Variants in TERB2 observed in about 807,000 individuals in gnomAD.
TERB2 encodes the protein telomere repeats-binding bouquet formation protein 2.
In TERB2, 26 loss-of-function variants were observed where a neutral mutation model predicts 29.8. That is an observed-to-expected ratio of 0.87 (90% confidence interval 0.64 to 1.21). The LOEUF (loss-of-function observed/expected upper bound fraction) is 1.21, where lower values mean the gene tolerates loss of function less well. Ranked by LOEUF, TERB2 falls within the 50% of genes most tolerant of loss-of-function variation. The pLI is 0.00. For synonymous variants in TERB2, 80 were observed against 90.8 expected, an observed-to-expected ratio of 0.88 and a Z score of 0.68; for missense variants, 240 against 268.6, an observed-to-expected ratio of 0.89 and a Z score of 0.74.
intron 4 of TERB2, among the ~76,000 whole-genome samples, chr15:44,965,279 T>C (rs1891868123): frequency 1.3e-5 from 2 of 148,780 alleles, no homozygotes; most frequent in Non-Finnish European, 3.0e-5. Context: ...CACAGAATAT[T>C]TGGAAAAAGC....
chr15:44,961,054 T>C (rs1278448967), intron 3 of TERB2, among the ~76,000 whole-genome samples: 10 of 151,392 alleles, frequency 6.6e-5, no homozygotes, highest in Admixed American at 6.6e-4. Context: ...TATCTATAAA[T>C]GCAGAGGTAT....
Position 44,973,983 on chromosome 15 carries a change from C to A in TERB2, c.523+28C>A, listed in dbSNP as rs541362165. 17 of 1,486,604 alleles carry A rather than the reference C, an allele frequency of 1.1e-5. No individual in the cohort carries two copies. The African/African-American group carries it at 2.3e-4, about 20-fold the overall frequency. 92.1% of individuals were successfully genotyped at this position (1,486,604 alleles called of 1,614,324 possible). On this transcript the variant is annotated intron_variant, in intron 6 of 6. Coordinates refer to ENST00000340827, the MANE Select transcript of TERB2 (RefSeq NM_152448.3). ...AGTTTAAAATAAAATTTAGAGTAAA[C>A]TCAGGTAGGAAAGAAACAAGGGAAT...
chr15:44,968,653 GGC>G (rs1168121918), intron 5 of TERB2, among the ~76,000 whole-genome samples: 6 of 135,850 alleles, frequency 4.4e-5, no homozygotes, highest in Non-Finnish European at 9.1e-5. Context: ...GGAGTGCAGT[GGC>G]ACGATTTCAG....
rs181282019 is a variant in TERB2, at chr15:44,961,716, T to C, written c.348+132T>C. On this transcript the variant is annotated intron_variant, in intron 4 of 6. Coordinates refer to ENST00000340827, the MANE Select transcript of TERB2 (RefSeq NM_152448.3). The stretch of plus-strand genomic sequence containing the variant: ...AGATTAAGAGATTGATTTATTTATT[T>C]TGAGACGGAGTCTCACTCTGTCTCC... 1,002 of 588,988 alleles carry C rather than the reference T, an allele frequency of 1.7e-3. 3 individuals carry two copies. Among genetic ancestry groups the C allele is most frequent in the Non-Finnish European group, 2.6e-3 (918 of 350,408 alleles). 36.5% of individuals were successfully genotyped at this position (588,988 alleles called of 1,614,324 possible). A position where few individuals can be genotyped will look rare whatever the true frequency, so the allele number is the denominator to read the frequency against.
At chr15:44,977,012 T>C (rs932717262) in intron 6 of TERB2, among the ~76,000 whole-genome samples, 6 of 151,416 alleles carry the variant, frequency 4.0e-5, no homozygotes, top group Non-Finnish European at 8.8e-5. Context: ...GGCTAATACA[T>C]AGAGAAAAAC....
At chr15:44,966,935 T>TA (rs1210791315) in intron 5 of TERB2, among the ~76,000 whole-genome samples, 42 of 152,070 alleles carry the variant, frequency 2.8e-4, no homozygotes, top group Admixed American at 2.8e-3. Flanking sequence ...CCCACCTCTA[T>TA]AAAAAATTTA....
At chr15:44,974,382 T>G (rs1892013323) in intron 6 of TERB2, among the ~76,000 whole-genome samples, 1 of 152,160 alleles carries the variant, frequency 6.6e-6, no homozygotes, top group Non-Finnish European at 1.5e-5. Flanking sequence ...GCCATTCCAT[T>G]CAATATCAAA....
At chr15:44,962,741 TTAAG>T (rs1184317893) in intron 4 of TERB2, 2 of 152,312 alleles carry the variant, frequency 1.3e-5, no homozygotes, top group Non-Finnish European at 2.9e-5. Flanking sequence ...TTCAAAATCT[TTAAG>T]TAATAGCCAA....
chr15:44,958,686 A>G (rs1783968702), intron 3 of TERB2, among the ~76,000 whole-genome samples, 174 bp downstream of exon 3: 1 of 152,242 alleles, frequency 6.6e-6, no homozygotes, highest in South Asian at 2.1e-4. Flanking sequence ...CCTTGGGTGT[A>G]TATCCTGACT....
At chr15:44,961,278 A>C (rs1432083434) in intron 3 of TERB2, among the ~76,000 whole-genome samples, 1 of 150,920 alleles carries the variant, frequency 6.6e-6, no homozygotes, top group Non-Finnish European at 1.5e-5. Flanking sequence ...TTCTAGCAGG[A>C]AACGTCTACA....
chr15:44,975,404 C>T (rs1380738777), intron 6 of TERB2, among the ~76,000 whole-genome samples: 3 of 151,968 alleles, frequency 2.0e-5, no homozygotes, highest in African/African-American at 7.3e-5. Context: ...CATTTAGTGA[C>T]TAAGAGTACT....
At chr15:44,972,517 CTT>C (rs5812285) in intron 5 of TERB2, among the ~76,000 whole-genome samples, 97 of 133,930 alleles carry the variant, frequency 7.2e-4, no homozygotes, top group African/African-American at 1.5e-3. Flanking sequence ...ATCCTTTTAG[CTT>C]TTTTTTTTTT....
intron 5 of TERB2, among the ~76,000 whole-genome samples, chr15:44,967,451 G>T (rs397833443): frequency 2.6e-5 from 4 of 152,144 alleles, no homozygotes; most frequent in Non-Finnish European, 5.9e-5. Context: ...GCAGAGTATC[G>T]CACCAATCCT....
intron 5 of TERB2, 125 bp downstream of exon 5, chr15:44,966,368 T>C: frequency 2.2e-6 from 1 of 461,176 alleles, no homozygotes; most frequent in Non-Finnish European, 3.6e-6. Context: ...ATCATTCCCA[T>C]TATACAAAAA....
At chr15:44,964,816 G>A (rs979819800) in intron 4 of TERB2, among the ~76,000 whole-genome samples, 22 of 152,056 alleles carry the variant, frequency 1.4e-4, no homozygotes, top group Middle Eastern at 6.8e-3. Context: ...GTAAATCTGG[G>A]GAGCATTACA....
chr15:44,969,846 A>G (rs567514972), intron 5 of TERB2, among the ~76,000 whole-genome samples: 1 of 151,828 alleles, frequency 6.6e-6, no homozygotes, highest in East Asian at 1.9e-4. Flanking sequence ...TAGAATATGG[A>G]GCTGGAGGGT....
intron 5 of TERB2, among the ~76,000 whole-genome samples, chr15:44,967,021 C>T (rs1162572590): frequency 1.3e-5 from 2 of 152,162 alleles, no homozygotes; most frequent in Non-Finnish European, 2.9e-5. Context: ...ATCGCTTGAG[C>T]CCAGGAGGTT....
At chr15:44,976,514 C>A (rs1181937335) in intron 6 of TERB2, among the ~76,000 whole-genome samples, 1 of 151,936 alleles carries the variant, frequency 6.6e-6, no homozygotes, top group Admixed American at 6.6e-5. Flanking sequence ...AGAGCACGCC[C>A]AAGAAAAAAA....
chr15:44,961,847 G>A (rs920518976), intron 4 of TERB2, among the ~76,000 whole-genome samples: 2 of 151,650 alleles, frequency 1.3e-5, no homozygotes, highest in Non-Finnish European at 2.9e-5. Context: ...TTATGGGCGT[G>A]TGCCACCACG....
Sources: gnomAD v4.1 joint callset for allele counts (sites outside exome capture counted in the v4.1 genomes callset) on GRCh38, gnomAD v4.1.1 for gene constraint, MANE v1.5 for transcripts, NCBI Gene and HGNC (gene_info 2026-07-23, HGNC 2026-07-21) for gene names.